MMRN1: variants seen among roughly 807,000 people sequenced by gnomAD.
The protein encoded by MMRN1 is multimerin-1.
MMRN1 carries 94 observed loss-of-function variants against 100.7 expected under a neutral mutation model. The observed-to-expected ratio is 0.93, with a 90% CI of 0.79 to 1.11. The LOEUF (loss-of-function observed/expected upper bound fraction) is 1.11. MMRN1 is among the 50% of genes least tolerant of loss of function. The pLI is 0.00. For synonymous variants in MMRN1, 575 were observed against 505.0 expected (o/e 1.14, Z -1.86); for missense variants, 1,606 against 1,439.1 (o/e 1.12, Z -1.88).
chr4:89,918,415 G>C (rs1578481908), intron 3 of MMRN1, among the ~76,000 whole-genome samples: 1 of 151,808 alleles, frequency 6.6e-6, no homozygotes, highest in Non-Finnish European at 1.5e-5. Flanking sequence ...TGAATTCATA[G>C]GGCTTGATAT....
intron 1 of MMRN1, among the ~76,000 whole-genome samples, chr4:89,889,190 T>C (rs1720998989): frequency 6.6e-6 from 1 of 152,138 alleles, no homozygotes; most frequent in South Asian, 2.1e-4. Context: ...TTTGAGGACG[T>C]GATAAGGATT....
At chr4:89,945,355 T>C (rs930994756) in intron 6 of MMRN1, among the ~76,000 whole-genome samples, 10 of 152,150 alleles carry the variant, frequency 6.6e-5, no homozygotes, top group African/African-American at 1.2e-4. Context: ...TTCTCTCTTA[T>C]AATTATACAG....
chr4:89,893,048 CTG>C (rs1203283847), upstream of MMRN1, among the ~76,000 whole-genome samples: 1 of 151,972 alleles, frequency 6.6e-6, no homozygotes, highest in Non-Finnish European at 1.5e-5. Flanking sequence ...CTAGTTTCTT[CTG>C]TGTTTTCCAG....
chr4:89,899,472 G>A (rs1451904920), intron 1 of MMRN1, among the ~76,000 whole-genome samples: 1 of 152,114 alleles, frequency 6.6e-6, no homozygotes, highest in East Asian at 1.9e-4. Flanking sequence ...CAGTGGCAGA[G>A]GTGAGAGGAG....
chr4:89,920,374 G>A (rs1374977505), intron 3 of MMRN1, among the ~76,000 whole-genome samples: 1 of 152,122 alleles, frequency 6.6e-6, no homozygotes, highest in Non-Finnish European at 1.5e-5. Context: ...TCATTGGGCT[G>A]TAGATTTGAT....
chr4:89,912,496 G>A (rs114582661), intron 3 of MMRN1, among the ~76,000 whole-genome samples: 2,871 of 150,754 alleles, frequency 0.019, 111 homozygotes, highest in African/African-American at 0.066. Context: ...GGACATACAA[G>A]GTATGTCATG....
intron 6 of MMRN1, among the ~76,000 whole-genome samples, chr4:89,947,374 A>G (rs906754393): frequency 3.3e-5 from 5 of 152,224 alleles, no homozygotes; most frequent in African/African-American, 1.2e-4. Context: ...CATTTGAGAA[A>G]CTGGGAAGAA....
In MMRN1 at chr4:89,935,700, A is replaced by G. The variant is rs1722601901; in HGVS notation, c.2020A>G (p.Ile674Val). ...TYEQPKEAIV[I>V]RKKIENLTSA... ...TGAACAACCAAAGGAAGCAATAGTG[A>G]TAAGGAAAAAGATAGAAAATCTGAC... is the stretch of plus-strand genomic sequence containing the variant. The change falls in exon 6 of 8, where the codon ATA (isoleucine) becomes GTA (valine). Residue 674 changes from isoleucine (I) to valine (V), a missense_variant. Coordinates refer to ENST00000264790, the MANE Select transcript of MMRN1 (RefSeq NM_007351.3). 2 of 1,612,458 alleles carry G rather than the reference A, an allele frequency of 1.2e-6. No homozygotes were observed. Among genetic ancestry groups the G allele is most frequent in the African/African-American group, 1.3e-5 (1 of 74,866 alleles).
chr4:89,885,352 T>C (rs1720912865), intron 1 of MMRN1, among the ~76,000 whole-genome samples: 1 of 152,138 alleles, frequency 6.6e-6, no homozygotes. Flanking sequence ...TTTCCTTTTA[T>C]GTCAATGAAA....
At chr4:89,938,715 A>C (rs1244748285) in intron 6 of MMRN1, among the ~76,000 whole-genome samples, 1 of 151,762 alleles carries the variant, frequency 6.6e-6, no homozygotes, top group Non-Finnish European at 1.5e-5. Flanking sequence ...AATAGGAAAT[A>C]ACTCAGTTTT....
In MMRN1 at chr4:89,923,286, A is replaced by T; in HGVS notation, c.955+14A>T. On this transcript the variant is annotated intron_variant, in intron 4 of 7. Coordinates refer to ENST00000264790, the MANE Select transcript of MMRN1 (RefSeq NM_007351.3). ...GTGGTGACCCAGGTCATAGATTGTA[A>T]TTACTATCATCTCTGACCCAATTAT... 6.2e-7 allele frequency: 1 copy of T among 1,602,462 alleles called. No individual in the cohort carries two copies. Among genetic ancestry groups the T allele is most frequent in the Non-Finnish European group, 8.5e-7 (1 of 1,169,776 alleles).
chr4:89,884,033 G>A (rs1324213031), intron 1 of MMRN1, among the ~76,000 whole-genome samples: 1 of 151,830 alleles, frequency 6.6e-6, no homozygotes. Flanking sequence ...GTCCAAAATT[G>A]GTATAGATTG....
chr4:89,901,447 A>C (rs1435096221), intron 1 of MMRN1, among the ~76,000 whole-genome samples: 1 of 152,082 alleles, frequency 6.6e-6, no homozygotes, highest in Non-Finnish European at 1.5e-5. Context: ...TACAAAAATT[A>C]ACCATTAAAT....
chr4:89,886,230 A>T (rs980553658), intron 1 of MMRN1, among the ~76,000 whole-genome samples: 8 of 151,974 alleles, frequency 5.3e-5, no homozygotes, highest in Non-Finnish European at 8.8e-5. Flanking sequence ...AAGTGACAAA[A>T]TTGCACAAAA....
chr4:89,922,815 A>G (rs773684895), intron 3 of MMRN1, among the ~76,000 whole-genome samples: 2 of 152,224 alleles, frequency 1.3e-5, no homozygotes, highest in Non-Finnish European at 2.9e-5. Context: ...GTCCACTTAT[A>G]AGAATGCTAT....
chr4:89,898,779 C>T (rs1721292001), intron 1 of MMRN1, among the ~76,000 whole-genome samples: 1 of 152,054 alleles, frequency 6.6e-6, no homozygotes, highest in Admixed American at 6.6e-5. Context: ...TCCAGGAAGC[C>T]TTCTCAGGTG....
intron 1 of MMRN1, among the ~76,000 whole-genome samples, chr4:89,883,767 A>C (rs983503098): frequency 6.6e-6 from 1 of 152,110 alleles, no homozygotes; most frequent in African/African-American, 2.4e-5. Flanking sequence ...TGTTTCAACT[A>C]TTTTTAAAAG....
intron 1 of MMRN1, among the ~76,000 whole-genome samples, chr4:89,898,598 T>C (rs1451002735): frequency 6.6e-6 from 1 of 151,852 alleles, no homozygotes; most frequent in Non-Finnish European, 1.5e-5. Flanking sequence ...TAGATCTGCC[T>C]CCTGCCTACC....
intron 1 of MMRN1, among the ~76,000 whole-genome samples, chr4:89,907,329 T>A (rs1721599016): frequency 6.6e-6 from 1 of 151,530 alleles, no homozygotes; most frequent in African/African-American, 2.4e-5. Flanking sequence ...AAGAACACAA[T>A]AAGTTCTGTA....
Sources: allele counts gnomAD v4.1 joint callset (sites outside exome capture counted in the v4.1 genomes callset), GRCh38; gene constraint gnomAD v4.1.1; transcripts MANE v1.5; gene names NCBI Gene and HGNC (gene_info 2026-07-23, HGNC 2026-07-21).